The following DDX24 variants were observed in gnomAD, a reference collection of about 807,000 sequenced individuals.
DDX24 encodes ATP-dependent RNA helicase DDX24.
A neutral mutation model predicts 68.9 loss-of-function variants in DDX24; 24 were observed. The ratio of observed to expected loss-of-function variants is 0.35; its 90% CI spans 0.25 to 0.49. The LOEUF is 0.49. Among genes scored for constraint, DDX24 ranks in the 20% least tolerant of loss-of-function variants. The pLI is 0.99. For synonymous variants in DDX24, 395 were observed against 385.2 expected, an observed-to-expected ratio of 1.03 and a Z score of -0.30; for missense variants, 989 against 1,039.0, an observed-to-expected ratio of 0.95 and a Z score of 0.66.
chr14:94,067,737 G>C (rs1885733023), intron 2 of DDX24, among the ~76,000 whole-genome samples: 1 of 152,104 alleles, frequency 6.6e-6, no homozygotes, highest in South Asian at 2.1e-4. Flanking sequence ...GCAAAACTAA[G>C]CATCATATAT....
chr14:94,049,662 G>C lies in DDX24; in HGVS notation c.*1529C>G, dbSNP rs930377297. On this transcript the variant is annotated 3_prime_UTR_variant, in exon 9 of 9. Transcript: ENST00000621632. ...AATCTCAGTACTTTGGGAGGCTGAG[G>C]CAAGAGGATCACTTGAGGGCAGGAG... is the stretch of plus-strand genomic sequence containing the variant. 12 of 152,072 alleles carry C rather than the reference G, an allele frequency of 7.9e-5. No individual in the cohort carries two copies. The highest frequency in any genetic ancestry group is 2.7e-4 in the African/African-American group (11 of 41,358). The allele number at this position is 152,072 out of a possible 1,614,324, so 9.4% of individuals were successfully genotyped here. A position where few individuals can be genotyped will look rare whatever the true frequency, so the allele number is the denominator to read the frequency against.
intron 6 of DDX24, chr14:94,056,434 A>G (rs548663582): frequency 1.8e-4 from 28 of 152,250 alleles, no homozygotes; most frequent in African/African-American, 6.5e-4. Context: ...AAATATTCCT[A>G]AAGGACAGAG....
intron 7 of DDX24, chr14:94,053,358 CTTTTTTTTTTTTTTTT>C (rs1160011824): frequency 7.2e-5 from 9 of 124,784 alleles, no homozygotes; most frequent in South Asian, 1.6e-4. Context: ...TAGGTAATTT[CTTTTTTTTTTTTTTTT>C]TTTTTTTTTT....
intron 2 of DDX24, among the ~76,000 whole-genome samples, chr14:94,065,492 G>C (rs908389970): frequency 6.6e-6 from 1 of 152,048 alleles, no homozygotes; most frequent in Non-Finnish European, 1.5e-5. Flanking sequence ...GCTGCTCCCG[G>C]GATCACTGCA....
chr14:94,078,843 G>T, intron 2 of DDX24, 182 bp downstream of exon 2: 1 of 646,928 alleles, frequency 1.5e-6, no homozygotes, highest in Non-Finnish European at 2.6e-6. Context: ...AAGTGATCTG[G>T]CTAGGATACC....
chr14:94,074,571 C>T (rs1006225843), intron 2 of DDX24, among the ~76,000 whole-genome samples: 8 of 152,190 alleles, frequency 5.3e-5, no homozygotes, highest in Non-Finnish European at 8.8e-5. Context: ...ACTTCCACAA[C>T]GTGATAAAAA....
rs577427400 is a variant in DDX24, at chr14:94,079,413, T to C, written c.330A>G (p.Glu110=). 6.2e-7 allele frequency: 1 copy of C among 1,614,100 alleles called. No individual in the cohort carries two copies. The highest frequency in any genetic ancestry group is 1.7e-5 in the Admixed American group (1 of 60,024). ...KLKKSKNVAT[E]GTSTQKEFEV... ...CAAATTCTTTCTGGGTACTGGTTCC[T>C]TCAGTTGCTACATTTTTACTTTTCT... Residue 110 remains glutamate (E), a synonymous_variant, in exon 2 of 9, where the codon GAA becomes GAG. Transcript: ENST00000621632.
intron 2 of DDX24, among the ~76,000 whole-genome samples, chr14:94,071,802 G>T (rs928457561): frequency 6.6e-6 from 1 of 152,042 alleles, no homozygotes; most frequent in Non-Finnish European, 1.5e-5. Flanking sequence ...AAAATTAGCT[G>T]GGTATGGTGG....
At chr14:94,053,354 ATTTCTTT>A in intron 7 of DDX24, 9 of 145,192 alleles carry the variant, frequency 6.2e-5, no homozygotes, top group South Asian at 3.8e-4. Context: ...TGCCTAGGTA[ATTTCTTT>A]TTTTTTTTTT....
At chr14:94,060,727 T>C (rs1336955621) in intron 4 of DDX24, 114 bp from the exon 5 acceptor site, 1 of 1,463,628 alleles carries the variant, frequency 6.8e-7, no homozygotes, top group Admixed American at 2.1e-5. Context: ...CACACCCCAC[T>C]ACCACCACCA....
intron 3 of DDX24, among the ~76,000 whole-genome samples, chr14:94,061,359 G>T (rs534665940): frequency 1.3e-5 from 2 of 152,240 alleles, no homozygotes; most frequent in Non-Finnish European, 1.5e-5. Flanking sequence ...CCAAAGCTCT[G>T]GGAAAACGGA....
rs1295122179 is a variant in DDX24, at chr14:94,059,329, G to C, written c.1913+769C>G. The stretch of plus-strand genomic sequence containing the variant: ...TGAGCATCAGTCTGGTCCAAAGGCA[G>C]ATGGACAAAGACATCAGGAATAAGA... On this transcript the variant is annotated intron_variant, in intron 5 of 8. Coordinates refer to ENST00000621632, the MANE Select transcript of DDX24 (RefSeq NM_020414.4). Among the ~76,000 whole-genome samples the C allele has an allele frequency of 2.6e-5, 4 of 152,344 alleles. No homozygotes were observed. The South Asian group carries it at 6.2e-4, about 24-fold the overall frequency.
intron 2 of DDX24, among the ~76,000 whole-genome samples, chr14:94,067,165 A>G (rs1885722034): frequency 6.6e-6 from 1 of 152,176 alleles, no homozygotes; most frequent in African/African-American, 2.4e-5. Flanking sequence ...AGGAAACTCT[A>G]GACATACTTT....
At chr14:94,079,802 G>A in intron 1 of DDX24, 55 bp from the exon 2 acceptor site, 1 of 1,502,194 alleles carries the variant, frequency 6.7e-7, no homozygotes, top group Non-Finnish European at 9.1e-7. Flanking sequence ...AGAGGGTTCT[G>A]ATGTAACAAA....
chr14:94,051,085 CT>C lies in DDX24; in HGVS notation c.*105del. The C allele has an allele frequency of 1.1e-5, 15 of 1,395,812 alleles. No homozygotes were observed. In the South Asian group the frequency reaches 2.3e-4, roughly 22 times the overall value. 86.5% of individuals were successfully genotyped at this position (1,395,812 alleles called of 1,614,324 possible). A position where few individuals can be genotyped will look rare whatever the true frequency, so the allele number is the denominator to read the frequency against. ...TGGGTGTGAGTGGAAGAGAGGGAGACTTTTTTACCTGGGGTTGGTGGTGGAG... is the reference window on the plus strand; with the variant it reads ...TGGGTGTGAGTGGAAGAGAGGGAGACTTTTTACCTGGGGTTGGTGGTGGAG... On this transcript the variant is annotated 3_prime_UTR_variant, in exon 9 of 9. Transcript: ENST00000621632.
At chr14:94,080,986 C>G (rs964866449) in intron 1 of DDX24, 133 bp downstream of exon 1, 2 of 152,260 alleles carry the variant, frequency 1.3e-5, no homozygotes, top group Non-Finnish European at 2.9e-5. Context: ...CTCGGTTGGA[C>G]GGCTTGGGCC....
At chr14:94,056,856 T>TGG (rs1176570840) in intron 6 of DDX24, 1 of 152,164 alleles carries the variant, frequency 6.6e-6, no homozygotes, top group African/African-American at 2.4e-5. Flanking sequence ...CCCACACATT[T>TGG]GGTTACAGAA....
chr14:94,080,619 A>T (rs746303189), intron 1 of DDX24, among the ~76,000 whole-genome samples: 24 of 152,172 alleles, frequency 1.6e-4, no homozygotes, highest in Non-Finnish European at 3.4e-4. Flanking sequence ...CGCACGTCAA[A>T]AAAAACCGCT....
Position 94,062,584 on chromosome 14 carries a change from A to T in DDX24, c.756T>A (p.Ile252=). The part of the protein sequence containing the change: ...GKTLAFAIPM[I]HAVLQWQKRN... Reference sequence around the variant, plus strand: ...TCTTCTGCCACTGCAACACCGCATGAATCATTGGGATGGCAAAGGCAAGAG... The same window carrying T: ...TCTTCTGCCACTGCAACACCGCATGTATCATTGGGATGGCAAAGGCAAGAG... The change falls in exon 3 of 9, where the codon ATT becomes ATA. Residue 252 remains isoleucine, a synonymous_variant. Transcript: ENST00000621632. 6.2e-7 allele frequency: 1 copy of T among 1,604,920 alleles called. No homozygotes were observed. Among genetic ancestry groups the T allele is most frequent in the Non-Finnish European group, 8.5e-7 (1 of 1,176,670 alleles).
Sources: allele counts gnomAD v4.1 joint callset (sites outside exome capture counted in the v4.1 genomes callset), GRCh38; gene constraint gnomAD v4.1.1; transcripts MANE v1.5; gene names NCBI Gene and HGNC (gene_info 2026-07-23, HGNC 2026-07-21).